Variants in LIMCH1 observed in about 807,000 individuals in gnomAD.
LIMCH1 encodes LIM and calponin homology domains 1.
Under a neutral mutation model 176.5 loss-of-function variants are expected in LIMCH1, and 113 were observed. That is an observed-to-expected ratio of 0.64 (90% confidence interval 0.55 to 0.75). The LOEUF is 0.75. Among genes scored for constraint, LIMCH1 ranks in the 30% least tolerant of loss-of-function variants. The pLI, the probability that LIMCH1 is intolerant of heterozygous loss-of-function variation, is 0.00. For synonymous variants in LIMCH1, 619 were observed against 645.9 expected (o/e 0.96, Z 0.63); for missense variants, 1,674 against 1,814.9 (o/e 0.92, Z 1.41).
chr4:41,599,190 C>G (rs2089476681), intron 2 of LIMCH1, 164 bp downstream of exon 2: 1 of 563,092 alleles, frequency 1.8e-6, no homozygotes, highest in Admixed American at 3.0e-5. Flanking sequence ...TTGACTTTCC[C>G]TCTGTGCATA....
At chr4:41,542,637 G>C (rs2078824003) in intron 1 of LIMCH1, among the ~76,000 whole-genome samples, 2 of 152,006 alleles carry the variant, frequency 1.3e-5, no homozygotes, top group African/African-American at 2.4e-5. Context: ...CATTTTCCTT[G>C]CTTCTGCCAA....
intron 1 of LIMCH1, among the ~76,000 whole-genome samples, chr4:41,431,848 G>T (rs1194297175): frequency 6.6e-6 from 1 of 152,088 alleles, no homozygotes; most frequent in Non-Finnish European, 1.5e-5. Context: ...TGAGGGGATT[G>T]GTGTTCATAC....
chr4:41,651,024 G>A (rs796712829), intron 18 of LIMCH1, among the ~76,000 whole-genome samples: 13 of 121,988 alleles, frequency 1.1e-4, no homozygotes, highest in African/African-American at 3.5e-4. Context: ...TTTATTTTTC[G>A]AGATGGAAAT....
intron 1 of LIMCH1, among the ~76,000 whole-genome samples, chr4:41,571,914 T>C (rs1209305712): frequency 6.6e-6 from 1 of 152,152 alleles, no homozygotes; most frequent in Non-Finnish European, 1.5e-5. Context: ...TGAAATTCCT[T>C]GAGGGGTGCC....
chr4:41,496,157 T>A (rs539448428), intron 2 of LIMCH1, among the ~76,000 whole-genome samples: 1 of 152,354 alleles, frequency 6.6e-6, no homozygotes, highest in East Asian at 1.9e-4. Flanking sequence ...CAGACCATGT[T>A]GGTTCAATTG....
At chr4:41,488,735 G>A (rs1203716104) in intron 1 of LIMCH1, among the ~76,000 whole-genome samples, 1 of 152,066 alleles carries the variant, frequency 6.6e-6, no homozygotes, top group Non-Finnish European at 1.5e-5. Context: ...TAAAGTAAAA[G>A]TCATATATGA....
At chr4:41,642,347 G>A (rs2093858844) in intron 14 of LIMCH1, among the ~76,000 whole-genome samples, 1 of 151,930 alleles carries the variant, frequency 6.6e-6, no homozygotes. Flanking sequence ...GGAAGAATGG[G>A]ACGAATTTTT....
intron 20 of LIMCH1, among the ~76,000 whole-genome samples, chr4:41,664,581 A>G (rs992201896): frequency 4.6e-5 from 7 of 152,256 alleles, no homozygotes; most frequent in African/African-American, 1.7e-4. Flanking sequence ...TTTTATCAGC[A>G]TCACACTAGT....
intron 1 of LIMCH1, among the ~76,000 whole-genome samples, chr4:41,435,820 A>G (rs866864226): frequency 3.3e-5 from 5 of 152,190 alleles, no homozygotes; most frequent in Middle Eastern, 3.2e-3. Context: ...ATTAAGTAGA[A>G]GTTTATATAC....
At chr4:41,477,381 A>C (rs1053162413) in intron 1 of LIMCH1, among the ~76,000 whole-genome samples, 1 of 152,174 alleles carries the variant, frequency 6.6e-6, no homozygotes, top group African/African-American at 2.4e-5. Flanking sequence ...GGTTTAGCAA[A>C]GAGAGCTCAG....
intron 1 of LIMCH1, among the ~76,000 whole-genome samples, chr4:41,596,079 A>G (rs918260182): frequency 6.6e-6 from 1 of 151,526 alleles, no homozygotes; most frequent in Non-Finnish European, 1.5e-5. Context: ...GTTCACCAGC[A>G]AGCTTTGATT....
chr4:41,537,000 G>A (rs1471335719), upstream of LIMCH1, among the ~76,000 whole-genome samples: 1 of 152,172 alleles, frequency 6.6e-6, no homozygotes, highest in Non-Finnish European at 1.5e-5. Flanking sequence ...TATTATCTTT[G>A]TAGCTTTCTA....
chr4:41,550,615 T>C (rs1448164465), intron 1 of LIMCH1, among the ~76,000 whole-genome samples: 1 of 152,124 alleles, frequency 6.6e-6, no homozygotes, highest in African/African-American at 2.4e-5. Flanking sequence ...CAGAAACATA[T>C]GGAGAAGTGA....
At chr4:41,609,242 GTTTT>G (rs5857806) in intron 4 of LIMCH1, among the ~76,000 whole-genome samples, 1 of 147,146 alleles carries the variant, frequency 6.8e-6, no homozygotes, top group East Asian at 2.0e-4. Flanking sequence ...CCCACCTTAT[GTTTT>G]TTTTTTTTTT....
intron 1 of LIMCH1, among the ~76,000 whole-genome samples, chr4:41,466,903 G>C (rs557129364): frequency 1.3e-5 from 2 of 151,964 alleles, no homozygotes; most frequent in African/African-American, 4.8e-5. Context: ...CCGAAACTCT[G>C]TACCCATTAA....
intron 1 of LIMCH1, among the ~76,000 whole-genome samples, chr4:41,585,924 AT>A (rs943352481): frequency 6.6e-5 from 10 of 152,218 alleles, no homozygotes; most frequent in Non-Finnish European, 1.3e-4. Context: ...GAGTTCATTG[AT>A]CACACAGTTG....
chr4:41,407,286 T>A (rs1477454107), intron 1 of LIMCH1, among the ~76,000 whole-genome samples: 2 of 152,204 alleles, frequency 1.3e-5, no homozygotes, highest in African/African-American at 4.8e-5. Context: ...TGGAGTGCAG[T>A]GGTGCAATCA....
intron 1 of LIMCH1, among the ~76,000 whole-genome samples, chr4:41,430,371 C>T (rs2061490479): frequency 6.6e-6 from 1 of 152,172 alleles, no homozygotes; most frequent in South Asian, 2.1e-4. Flanking sequence ...TCAAGCGATT[C>T]TCTTGCCTCA....
chr4:41,619,599 G>A lies in LIMCH1; in HGVS notation c.458+159G>A, dbSNP rs140582206. ...ACAGATCTTTGGAGAGAGCTTGTCA[G>A]GAGAAAATAGAAGCTTCGTGAGTGC... On this transcript the variant is annotated intron_variant, in intron 6 of 31. Coordinates refer to ENST00000503057, the MANE Select transcript of LIMCH1 (RefSeq NM_001330672.2). The A allele has an allele frequency of 5.2e-4, 496 of 947,680 alleles. 2 individuals are homozygous for A. The African/African-American group carries it at 7.1e-3, about 14-fold the overall frequency. The allele number at this position is 947,680 out of a possible 1,614,324, so 58.7% of individuals were successfully genotyped here. A position where few individuals can be genotyped will look rare whatever the true frequency, so the allele number is the denominator to read the frequency against.
Sources: gnomAD v4.1 joint callset for allele counts (sites outside exome capture counted in the v4.1 genomes callset) on GRCh38, gnomAD v4.1.1 for gene constraint, MANE v1.5 for transcripts, NCBI Gene and HGNC (gene_info 2026-07-23, HGNC 2026-07-21) for gene names.